The following CHRM3 variants were observed in gnomAD, a reference collection of about 807,000 sequenced individuals.
The protein encoded by CHRM3 is muscarinic acetylcholine receptor M3.
In CHRM3, 11 loss-of-function variants were observed where a neutral mutation model predicts 41.8. That is an observed-to-expected ratio of 0.26 (90% CI 0.17 to 0.44). The LOEUF (loss-of-function observed/expected upper bound fraction) is 0.44, where lower values mean the gene tolerates loss of function less well. Ranked by LOEUF, CHRM3 falls within the 20% of genes least tolerant of loss-of-function variation. CHRM3 has a pLI of 1.00. For synonymous variants in CHRM3, 297 were observed against 301.4 expected (o/e 0.99, Z 0.15); for missense variants, 571 against 745.4 (o/e 0.77, Z 2.72).
At chr1:239,398,647 T>A (rs970507667) in intron 1 of CHRM3, among the ~76,000 whole-genome samples, 1 of 152,212 alleles carries the variant, frequency 6.6e-6, no homozygotes, top group African/African-American at 2.4e-5. Flanking sequence ...TAGAATTTAA[T>A]ACAAGTGAAA....
At chr1:239,462,690 T>C (rs900402334) in intron 1 of CHRM3, among the ~76,000 whole-genome samples, 4 of 152,256 alleles carry the variant, frequency 2.6e-5, no homozygotes, top group Admixed American at 2.6e-4. Flanking sequence ...TTAGATTTAC[T>C]TTTTGTACAT....
At chr1:239,429,775 C>T (rs1176557921) in intron 1 of CHRM3, among the ~76,000 whole-genome samples, 5 of 142,512 alleles carry the variant, frequency 3.5e-5, no homozygotes, top group Non-Finnish European at 7.6e-5. Context: ...TCCATCTTCT[C>T]GTAGGGAGTT....
chr1:239,582,092 A>G (rs1024215100), intron 3 of CHRM3, among the ~76,000 whole-genome samples: 37 of 152,306 alleles, frequency 2.4e-4, no homozygotes, highest in African/African-American at 8.9e-4. Flanking sequence ...GAAAGAGCAC[A>G]ATGAAGCTAA....
chr1:239,412,392 GGTTCCTCCAGTCAGCACT>G (rs1661168328), intron 1 of CHRM3, among the ~76,000 whole-genome samples: 1 of 24,756 alleles, frequency 4.0e-5, no homozygotes, highest in South Asian at 1.2e-3. Context: ...AGTCAGCACT[GGTTCCTCCAGTCAGCACT>G]GTTCCTCTCC....
chr1:239,570,768 A>G (rs780399068), intron 3 of CHRM3, among the ~76,000 whole-genome samples: 14 of 152,178 alleles, frequency 9.2e-5, no homozygotes, highest in Non-Finnish European at 1.9e-4. Flanking sequence ...TAAACTCCCA[A>G]AAGAAGTAAG....
At chr1:239,434,679 T>C (rs1663093848) in intron 1 of CHRM3, among the ~76,000 whole-genome samples, 1 of 152,172 alleles carries the variant, frequency 6.6e-6, no homozygotes, top group African/African-American at 2.4e-5. Context: ...GCTTTCAATA[T>C]ACATCAATGA....
At chr1:239,543,797 C>T (rs912843786) in intron 2 of CHRM3, among the ~76,000 whole-genome samples, 5 of 152,076 alleles carry the variant, frequency 3.3e-5, no homozygotes, top group East Asian at 3.9e-4. Flanking sequence ...TGCGAGCCAC[C>T]GCGCCCTGCC....
chr1:239,670,596 T>TGCCTCCCAGATTCAAGA (rs1674258807), intron 4 of CHRM3, among the ~76,000 whole-genome samples: 1 of 152,098 alleles, frequency 6.6e-6, no homozygotes, highest in African/African-American at 2.4e-5. Flanking sequence ...CTGCAACCTC[T>TGCCTCCCAGATTCAAGA]GCCTCCCAGA....
At chr1:239,854,774 T>G (rs1674970007) in intron 6 of CHRM3, among the ~76,000 whole-genome samples, 1 of 152,172 alleles carries the variant, frequency 6.6e-6, no homozygotes. Flanking sequence ...TCTTCCTATG[T>G]GAAAATATGG....
intron 5 of CHRM3, among the ~76,000 whole-genome samples, chr1:239,762,834 A>T (rs1206314988): frequency 2.6e-5 from 4 of 152,218 alleles, no homozygotes; most frequent in African/African-American, 9.6e-5. Flanking sequence ...CATCATAAAA[A>T]TGGCTGGATT....
intron 3 of CHRM3, among the ~76,000 whole-genome samples, chr1:239,604,079 T>G (rs896721856): frequency 1.3e-5 from 2 of 152,182 alleles, no homozygotes; most frequent in African/African-American, 2.4e-5. Flanking sequence ...AAAAGTTTCC[T>G]TGTGTAAATC....
At chr1:239,685,898 C>T (rs1162566609) in intron 5 of CHRM3, among the ~76,000 whole-genome samples, 1 of 152,108 alleles carries the variant, frequency 6.6e-6, no homozygotes, top group African/African-American at 2.4e-5. Flanking sequence ...CTCCCTGTCA[C>T]TGCCTCCTGC....
At chr1:239,466,657 T>C (rs1665751733) in intron 1 of CHRM3, among the ~76,000 whole-genome samples, 1 of 151,908 alleles carries the variant, frequency 6.6e-6, no homozygotes, top group South Asian at 2.1e-4. Context: ...AGAAATGGAG[T>C]CTTGCTATGT....
intron 1 of CHRM3, among the ~76,000 whole-genome samples, chr1:239,401,544 G>A (rs1009516817): frequency 6.6e-6 from 1 of 151,430 alleles, no homozygotes; most frequent in African/African-American, 2.4e-5. Context: ...AGGCTGGAGT[G>A]CAGTGGTGCA....
At chr1:239,899,533 C>G (rs922516421) in intron 6 of CHRM3, among the ~76,000 whole-genome samples, 1 of 149,004 alleles carries the variant, frequency 6.7e-6, no homozygotes, top group Non-Finnish European at 1.5e-5. Flanking sequence ...AATGCAACAG[C>G]CAATTAGCGG....
intron 5 of CHRM3, among the ~76,000 whole-genome samples, chr1:239,798,907 A>G (rs1572332601): frequency 1.3e-5 from 2 of 152,204 alleles, no homozygotes; most frequent in Non-Finnish European, 2.9e-5. Flanking sequence ...TGAGATTTTC[A>G]TAAGTGTATT....
chr1:239,868,722 G>A (rs1676326597), intron 6 of CHRM3, among the ~76,000 whole-genome samples: 1 of 152,194 alleles, frequency 6.6e-6, no homozygotes. Flanking sequence ...TCAGCGAAAG[G>A]ACCCTGATCC....
chr1:239,898,659 G>T (rs926139988), intron 6 of CHRM3, among the ~76,000 whole-genome samples: 1 of 152,128 alleles, frequency 6.6e-6, no homozygotes, highest in South Asian at 2.1e-4. Flanking sequence ...TGGTTCAGCA[G>T]GTTTAAAAAT....
chr1:239,573,333 A>G (rs1348782941), intron 3 of CHRM3, among the ~76,000 whole-genome samples: 1 of 152,128 alleles, frequency 6.6e-6, no homozygotes, highest in Non-Finnish European at 1.5e-5. Context: ...GAGTAATATC[A>G]CCTTAAAATG....
Sources: allele counts gnomAD v4.1 joint callset (sites outside exome capture counted in the v4.1 genomes callset), GRCh38; gene constraint gnomAD v4.1.1; transcripts MANE v1.5; gene names NCBI Gene and HGNC (gene_info 2026-07-23, HGNC 2026-07-21).